TSACC: variants seen among roughly 807,000 people sequenced by gnomAD.
The protein encoded by TSACC is TSSK6 activating cochaperone.
In TSACC, 3 loss-of-function variants were observed where a neutral mutation model predicts 6.9. That is an observed-to-expected ratio of 0.43 (90% CI 0.20 to 1.12). The LOEUF is 1.12. TSACC is among the 50% of genes most tolerant of loss of function. The probability of loss-of-function intolerance (pLI) is 0.28; values close to 1 mark genes in which losing one functional copy is unlikely to be tolerated. For missense variants in TSACC, 137 were observed against 143.9 expected (o/e 0.95, Z 0.24); for synonymous variants, 54 against 55.1 (o/e 0.98, Z 0.09).
chr1:156,338,284 A>G (rs1665551996), upstream of TSACC: 1 of 1,191,338 alleles, frequency 8.4e-7, no homozygotes, highest in East Asian at 2.5e-5. Flanking sequence ...CTGCCTCCTC[A>G]GGGCTTACAC....
In TSACC at chr1:156,346,966, C is replaced by T; in HGVS notation, c.362C>T (p.Pro121Leu). The change falls in exon 4 of 4, where the codon CCC becomes CTC. Residue 121 changes from proline (P) to leucine (L), a missense_variant. Transcript: ENST00000368254. ...CCTAATCCATTGTTAAATCACCTGCCCCAATTCAGTAAATGAATTGTGGAA... is the reference window on the plus strand; with the variant it reads ...CCTAATCCATTGTTAAATCACCTGCTCCAATTCAGTAAATGAATTGTGGAA... ...LSPNPLLNHLPQFSK is the reference protein window; with the variant it reads ...LSPNPLLNHLLQFSK 1 of 1,613,854 alleles carries T rather than the reference C, an allele frequency of 6.2e-7. No homozygotes were observed. Among genetic ancestry groups the T allele is most frequent in the Non-Finnish European group, 8.5e-7 (1 of 1,179,778 alleles).
At chr1:156,338,144 C>T (rs745579635), upstream of TSACC, 8 of 1,584,062 alleles carry the variant, frequency 5.1e-6, 1 homozygote, top group Admixed American at 1.1e-4. Context: ...CTGGCATCCC[C>T]AGAACTCACT....
chr1:156,338,532 C>G lies in TSACC; in HGVS notation c.-198C>G. 2.1e-6 allele frequency: 1 copy of G among 470,818 alleles called. No individual in the cohort carries two copies. The highest frequency in any genetic ancestry group is 3.9e-6 in the Non-Finnish European group (1 of 258,560). 29.2% of individuals were successfully genotyped at this position (470,818 alleles called of 1,614,324 possible). ...CAGGCGCCAAGGCTCTGGCAGTTGG[C>G]CAGCACACCACTACGCATGTGTGTC... On this transcript the variant is annotated 5_prime_UTR_variant, in exon 1 of 4. Transcript: ENST00000368254.
At chr1:156,338,496 G>A (rs918264454), upstream of TSACC, 2 of 520,688 alleles carry the variant, frequency 3.8e-6, no homozygotes, top group East Asian at 3.2e-5. Flanking sequence ...CGTGCAGCGC[G>A]AACGTCGGCG....
At chr1:156,340,947 A>G (rs1411015176) in intron 2 of TSACC, among the ~76,000 whole-genome samples, 3 of 152,014 alleles carry the variant, frequency 2.0e-5, no homozygotes, top group Non-Finnish European at 4.4e-5. Flanking sequence ...CTTGTGCCTC[A>G]GCCACCCAAG....
intron 3 of TSACC, among the ~76,000 whole-genome samples, 190 bp from the exon 4 acceptor site, chr1:156,346,578 G>A (rs1666195797): frequency 6.6e-6 from 1 of 152,196 alleles, no homozygotes; most frequent in Non-Finnish European, 1.5e-5. Flanking sequence ...TCCAGTGATT[G>A]ATTTCAAATT....
intron 2 of TSACC, among the ~76,000 whole-genome samples, chr1:156,344,160 T>C (rs1224787974): frequency 6.6e-6 from 1 of 152,214 alleles, no homozygotes; most frequent in Admixed American, 6.5e-5. Flanking sequence ...TTTAATCACA[T>C]AGTATAACTA....
intron 2 of TSACC, among the ~76,000 whole-genome samples, chr1:156,344,058 G>C (rs1162056253): frequency 6.6e-6 from 1 of 152,024 alleles, no homozygotes; most frequent in Admixed American, 6.6e-5. Context: ...AGTTTTTAAG[G>C]TTCAGTAAAT....
chr1:156,338,002 G>C (rs1665521656), upstream of TSACC: 3 of 801,726 alleles, frequency 3.7e-6, no homozygotes, highest in Admixed American at 2.2e-5. Flanking sequence ...TAAGAGAAGA[G>C]AGGAAAGCGG....
chr1:156,346,486 G>T (rs1348728254), intron 3 of TSACC, among the ~76,000 whole-genome samples: 1 of 152,118 alleles, frequency 6.6e-6, no homozygotes, highest in Non-Finnish European at 1.5e-5. Context: ...GGGGGACTTA[G>T]ACAAAAATTA....
chr1:156,344,727 T>C lies in TSACC; in HGVS notation c.163+19T>C. 1 of 1,610,686 alleles carries C rather than the reference T, an allele frequency of 6.2e-7. No homozygotes were observed. On this transcript the variant is annotated intron_variant, in intron 3 of 3. Transcript: ENST00000368254. ...CCCTCGGGTAAGGATGTAGGGAGGGTTTTCTAATGGACTCAACAGGGGGAA... is the reference window on the plus strand; with the variant it reads ...CCCTCGGGTAAGGATGTAGGGAGGGCTTTCTAATGGACTCAACAGGGGGAA...
upstream of TSACC, chr1:156,338,088 A>G: frequency 6.5e-7 from 1 of 1,535,308 alleles, no homozygotes; most frequent in Non-Finnish European, 8.9e-7. Context: ...AGCTGGGGCA[A>G]CACTGAAAAG....
chr1:156,338,021 G>C (rs1326872637), upstream of TSACC: 12 of 961,566 alleles, frequency 1.2e-5, no homozygotes, highest in Non-Finnish European at 1.9e-5. Context: ...GGGACACTGG[G>C]CTTCCAAAAT....
chr1:156,342,073 A>G (rs1248648169), intron 2 of TSACC, among the ~76,000 whole-genome samples: 1 of 151,684 alleles, frequency 6.6e-6, no homozygotes, highest in Non-Finnish European at 1.5e-5. Flanking sequence ...AAAAAAAAAA[A>G]AAAAAGAAAG....
chr1:156,338,002 G>A (rs1665521656), upstream of TSACC: 1 of 801,726 alleles, frequency 1.2e-6, no homozygotes, highest in African/African-American at 1.7e-5. Context: ...TAAGAGAAGA[G>A]AGGAAAGCGG....
chr1:156,338,257 C>T, upstream of TSACC: 1 of 1,497,630 alleles, frequency 6.7e-7, no homozygotes, highest in Non-Finnish European at 9.1e-7. Context: ...GAGAACCAGA[C>T]AGAAGCCCAG....
At chr1:156,338,456 C>T (rs956003335), upstream of TSACC, 2 of 555,610 alleles carry the variant, frequency 3.6e-6, no homozygotes, top group African/African-American at 1.9e-5. Context: ...GGCACAGGCG[C>T]TTGCGCAGTA....
chr1:156,346,805 A>C lies in TSACC; in HGVS notation c.201A>C (p.Glu67Asp). The change falls in exon 4 of 4, where the codon GAA becomes GAC. Residue 67 changes from glutamate to aspartate, a missense_variant. Transcript: ENST00000368254. ...HKPKECLGLL[E>D]CMYANLQLQT... The stretch of plus-strand genomic sequence containing the variant: ...CCAAGGAATGCCTAGGACTCCTGGA[A>C]TGTATGTATGCAAACCTCCAGCTTC... 1.2e-6 allele frequency: 2 copies of C among 1,614,156 alleles called. No individual in the cohort carries two copies. The highest frequency in any genetic ancestry group is 1.7e-6 in the Non-Finnish European group (2 of 1,180,028).
intron 3 of TSACC, 45 bp from the exon 4 acceptor site, chr1:156,346,723 T>C (rs372862978): frequency 3.3e-5 from 53 of 1,587,710 alleles, no homozygotes; most frequent in Non-Finnish European, 4.4e-5. Flanking sequence ...TTACCAAATC[T>C]CTCTCCTTTG....
Sources: allele counts gnomAD v4.1 joint callset (sites outside exome capture counted in the v4.1 genomes callset), GRCh38; gene constraint gnomAD v4.1.1; transcripts MANE v1.5; gene names NCBI Gene and HGNC (gene_info 2026-07-23, HGNC 2026-07-21).